Variants in STPG2 observed in about 807,000 individuals in gnomAD.
STPG2 encodes the protein sperm-tail PG-rich repeat-containing protein 2.
In STPG2, 56 loss-of-function variants were observed where a neutral mutation model predicts 54.2. That is an observed-to-expected ratio of 1.03 (90% CI 0.83 to 1.29). STPG2 has a LOEUF of 1.29. Among genes scored for constraint, STPG2 ranks in the 50% most tolerant of loss-of-function variants. The pLI, the probability that STPG2 is intolerant of heterozygous loss-of-function variation, is 0.00. For missense variants in STPG2, 596 were observed against 544.9 expected, an observed-to-expected ratio of 1.09 and a Z score of -0.93; for synonymous variants, 200 against 181.8, an observed-to-expected ratio of 1.10 and a Z score of -0.81.
chr4:98,123,662 T>C (rs1453841627), intron 3 of STPG2, among the ~76,000 whole-genome samples: 8 of 152,212 alleles, frequency 5.3e-5, no homozygotes, highest in Non-Finnish European at 1.2e-4. Context: ...ACGTATATTC[T>C]GTTGTTTTGG....
intron 8 of STPG2, among the ~76,000 whole-genome samples, chr4:97,841,536 T>C (rs1393481542): frequency 6.6e-6 from 1 of 151,838 alleles, no homozygotes; most frequent in Non-Finnish European, 1.5e-5. Context: ...AGTAATGCCT[T>C]AAACAATTAG....
At chr4:97,613,475 C>CGTGTGTGTGTGTGTGTGT (rs70953075) in intron 10 of STPG2, among the ~76,000 whole-genome samples, 5 of 142,246 alleles carry the variant, frequency 3.5e-5, no homozygotes, top group Non-Finnish European at 7.8e-5. Context: ...AGTCATCACC[C>CGTGTGTGTGTGTGTGTGT]GTGTGTGTGT....
At chr4:97,883,424 AG>A (rs1730451704) in intron 8 of STPG2, among the ~76,000 whole-genome samples, 1 of 151,878 alleles carries the variant, frequency 6.6e-6, no homozygotes, top group African/African-American at 2.4e-5. Context: ...AGAGAGAGAA[AG>A]CATTCAGATA....
intron 9 of STPG2, among the ~76,000 whole-genome samples, chr4:97,839,749 A>C (rs1728741478): frequency 6.6e-6 from 1 of 151,706 alleles, no homozygotes; most frequent in Admixed American, 6.6e-5. Flanking sequence ...GATTCTTAAA[A>C]GGCAATGAGA....
At chr4:98,007,620 T>C (rs1735615003) in intron 5 of STPG2, among the ~76,000 whole-genome samples, 1 of 152,012 alleles carries the variant, frequency 6.6e-6, no homozygotes, top group African/African-American at 2.4e-5. Context: ...TGAAATAAAA[T>C]TTGTGAAATG....
Position 97,519,607 on chromosome 4 carries a change from G to C in STPG2, c.462+193092C>G, listed in dbSNP as rs556300543. Among the ~76,000 whole-genome samples the C allele has an allele frequency of 4.7e-4, 72 of 152,170 alleles. No individual in the cohort carries two copies. In the Middle Eastern group the frequency reaches 0.01, roughly 22 times the overall value. On this transcript the variant is annotated intron_variant, in intron 4 of 4. Transcript: ENST00000522676. ...GAGGAAAGTGGGATCAAATACAGAT[G>C]CAGACACCTCTGCAAACTCTAGCAT...
At position 98,106,824 on chromosome 4, in the gene STPG2, T is replaced by C. The variant is rs76904897; in HGVS notation, c.501-760A>G. 2.5e-3 allele frequency among the ~76,000 whole-genome samples: 375 copies of C among 152,284 alleles called. 1 individual carries two copies. Among genetic ancestry groups the C allele is most frequent in the African/African-American group, 8.5e-3 (355 of 41,580 alleles). ...AGCACACAGTAACTGTTAGCTATTA[T>C]TATTGCAAGAATCACATTTAAACAG... On this transcript the variant is annotated intron_variant, in intron 4 of 10. Transcript: ENST00000295268.
chr4:97,569,261 G>C (rs1309214443), intron 10 of STPG2, among the ~76,000 whole-genome samples: 1 of 152,126 alleles, frequency 6.6e-6, no homozygotes, highest in Non-Finnish European at 1.5e-5. Context: ...AAACTGTCAT[G>C]GTGCTCCTGG....
intron 10 of STPG2, among the ~76,000 whole-genome samples, chr4:97,599,898 C>G (rs923344965): frequency 6.6e-6 from 1 of 151,338 alleles, no homozygotes; most frequent in Non-Finnish European, 1.5e-5. Context: ...CCATGAAATA[C>G]TGCTTAGTCA....
chr4:97,511,196 A>C (rs1375622462), intron 4 of STPG2, among the ~76,000 whole-genome samples: 2 of 152,088 alleles, frequency 1.3e-5, no homozygotes, highest in East Asian at 3.9e-4. Flanking sequence ...GTAAGACCAA[A>C]GTACATGCTA....
intron 5 of STPG2, among the ~76,000 whole-genome samples, chr4:98,036,138 A>G (rs991474987): frequency 3.3e-5 from 5 of 152,160 alleles, no homozygotes. Context: ...AAAAAAAGAG[A>G]AAAAAAGTCA....
chr4:97,680,954 C>T (rs1464641869), intron 10 of STPG2, among the ~76,000 whole-genome samples: 2 of 151,868 alleles, frequency 1.3e-5, no homozygotes, highest in Non-Finnish European at 2.9e-5. Flanking sequence ...ATGAATTTAC[C>T]ATATAAAGTT....
At chr4:98,027,297 T>A (rs1488842637) in intron 5 of STPG2, among the ~76,000 whole-genome samples, 1 of 152,172 alleles carries the variant, frequency 6.6e-6, no homozygotes, top group African/African-American at 2.4e-5. Context: ...GTTAGGGGGA[T>A]ATAATTCTAC....
chr4:97,482,362 A>G (rs957968513), intron 4 of STPG2, among the ~76,000 whole-genome samples: 3 of 151,636 alleles, frequency 2.0e-5, no homozygotes, highest in African/African-American at 7.3e-5. Flanking sequence ...AGCATAAAGA[A>G]AAAACAAAAA....
intron 8 of STPG2, among the ~76,000 whole-genome samples, chr4:97,861,160 C>G (rs968951545): frequency 2.3e-4 from 35 of 152,004 alleles, no homozygotes; most frequent in Non-Finnish European, 8.8e-5. Flanking sequence ...ATACAATAAT[C>G]TGATTTAAAA....
At chr4:97,446,910 G>C (rs1199192090) in intron 4 of STPG2, among the ~76,000 whole-genome samples, 1 of 152,190 alleles carries the variant, frequency 6.6e-6, no homozygotes, top group Non-Finnish European at 1.5e-5. Context: ...GTGGGGTACT[G>C]CTATAAAGAT....
chr4:97,566,873 G>A (rs1732464485), intron 10 of STPG2, among the ~76,000 whole-genome samples: 1 of 148,402 alleles, frequency 6.7e-6, no homozygotes, highest in Non-Finnish European at 1.5e-5. Context: ...CACACTCTGG[G>A]GACTGTTGTG....
At chr4:97,618,131 G>T (rs1465448081) in intron 10 of STPG2, among the ~76,000 whole-genome samples, 3 of 152,080 alleles carry the variant, frequency 2.0e-5, no homozygotes, top group Non-Finnish European at 2.9e-5. Flanking sequence ...TGGCTTTCTT[G>T]GCCTGTCTTA....
At chr4:97,545,468 G>T (rs571161866) in intron 4 of STPG2, among the ~76,000 whole-genome samples, 6 of 152,042 alleles carry the variant, frequency 3.9e-5, no homozygotes, top group Non-Finnish European at 7.4e-5. Context: ...CAATGAGATT[G>T]CAAAAAGATT....
Sources: gnomAD v4.1 joint callset for allele counts (sites outside exome capture counted in the v4.1 genomes callset) on GRCh38, gnomAD v4.1.1 for gene constraint, MANE v1.5 for transcripts, NCBI Gene and HGNC (gene_info 2026-07-23, HGNC 2026-07-21) for gene names.